The following GRIA4 variants were observed in gnomAD, a reference collection of about 807,000 sequenced individuals.
The protein encoded by GRIA4 is glutamate receptor 4.
In GRIA4, 34 loss-of-function variants were observed where a neutral mutation model predicts 104.0. The observed-to-expected ratio is 0.33, with a 90% confidence interval of 0.25 to 0.44. The LOEUF is 0.44. Ranked by LOEUF, GRIA4 falls within the 20% of genes least tolerant of loss-of-function variation. The pLI is 1.00. For missense variants in GRIA4, 750 were observed against 1,096.5 expected, an observed-to-expected ratio of 0.68 and a Z score of 4.46; for synonymous variants, 386 against 381.9, an observed-to-expected ratio of 1.01 and a Z score of -0.13.
At chr11:105,885,859 G>T (rs1280517246) in intron 5 of GRIA4, among the ~76,000 whole-genome samples, 1 of 152,236 alleles carries the variant, frequency 6.6e-6, no homozygotes, top group Non-Finnish European at 1.5e-5. Flanking sequence ...TCAGGCCAGT[G>T]ATACCAATAT....
intron 9 of GRIA4, among the ~76,000 whole-genome samples, chr11:105,906,908 G>A (rs1383848666): frequency 6.6e-6 from 1 of 152,202 alleles, no homozygotes; most frequent in Admixed American, 6.5e-5. Flanking sequence ...AATGTTAACA[G>A]GTGGACAATG....
At chr11:105,655,817 G>C (rs1951826832) in intron 3 of GRIA4, among the ~76,000 whole-genome samples, 1 of 152,140 alleles carries the variant, frequency 6.6e-6, no homozygotes, top group Admixed American at 6.6e-5. Flanking sequence ...CCTTATAGGA[G>C]AATGATTTAT....
At chr11:105,683,275 TTTAGA>T (rs1250080923) in intron 3 of GRIA4, among the ~76,000 whole-genome samples, 1 of 151,774 alleles carries the variant, frequency 6.6e-6, no homozygotes, top group African/African-American at 2.4e-5. Context: ...ATGATGCCTC[TTTAGA>T]TTATATTATA....
chr11:105,965,281 C>T (rs1358100489), intron 14 of GRIA4, among the ~76,000 whole-genome samples: 1 of 128,220 alleles, frequency 7.8e-6, no homozygotes, highest in Non-Finnish European at 1.7e-5. Flanking sequence ...GATATGTAAT[C>T]CTAATTTCCA....
At chr11:105,964,269 T>G (rs1049614191) in intron 14 of GRIA4, among the ~76,000 whole-genome samples, 2 of 152,186 alleles carry the variant, frequency 1.3e-5, no homozygotes, top group Non-Finnish European at 2.9e-5. Flanking sequence ...ATTATTTAAT[T>G]AGCATTCAGT....
intron 3 of GRIA4, among the ~76,000 whole-genome samples, chr11:105,726,160 A>G (rs1448971647): frequency 1.3e-5 from 2 of 152,160 alleles, no homozygotes. Flanking sequence ...TCTCACTGCT[A>G]GCACAGCAGT....
At position 105,773,856 on chromosome 11, in the gene GRIA4, A is replaced by G. The variant is rs116184673; in HGVS notation, c.487+20636A>G. On this transcript the variant is annotated intron_variant, in intron 4 of 16. Coordinates refer to ENST00000282499, the MANE Select transcript of GRIA4 (RefSeq NM_000829.4). ...TGATACAATAAACCATGAATTCTCT[A>G]AGAATTCAAAGAGGGCAAAAAAAAA... 3.9e-3 allele frequency among the ~76,000 whole-genome samples: 594 copies of G among 151,570 alleles called. 6 individuals carry two copies. The highest frequency in any genetic ancestry group is 0.013 in the African/African-American group (546 of 41,214).
chr11:105,699,903 T>C (rs1348532947), intron 3 of GRIA4, among the ~76,000 whole-genome samples: 1 of 152,184 alleles, frequency 6.6e-6, no homozygotes, highest in African/African-American at 2.4e-5. Context: ...TACTTACTTG[T>C]TTATCACCTG....
intron 4 of GRIA4, among the ~76,000 whole-genome samples, chr11:105,776,221 A>G (rs550864330): frequency 6.6e-6 from 1 of 152,156 alleles, no homozygotes; most frequent in Non-Finnish European, 1.5e-5. Context: ...GTGTAGTTTC[A>G]TAACAAAATC....
intron 3 of GRIA4, among the ~76,000 whole-genome samples, chr11:105,665,647 C>T (rs1328295860): frequency 2.0e-5 from 3 of 151,944 alleles, no homozygotes; most frequent in Non-Finnish European, 4.4e-5. Context: ...TAATTAATTC[C>T]TGTTTTTAAT....
At chr11:105,950,293 T>C (rs1490936325) in intron 14 of GRIA4, among the ~76,000 whole-genome samples, 1 of 152,074 alleles carries the variant, frequency 6.6e-6, no homozygotes, top group Non-Finnish European at 1.5e-5. Context: ...AATATAAATA[T>C]GAGAGTCACT....
chr11:105,846,324 T>C (rs939796893), intron 4 of GRIA4, among the ~76,000 whole-genome samples: 2 of 152,152 alleles, frequency 1.3e-5, no homozygotes, highest in Non-Finnish European at 2.9e-5. Flanking sequence ...TGTAGTTAAT[T>C]TGGAAGAAGT....
At chr11:105,659,803 T>C (rs1392869739) in intron 3 of GRIA4, among the ~76,000 whole-genome samples, 1 of 151,742 alleles carries the variant, frequency 6.6e-6, no homozygotes, top group African/African-American at 2.4e-5. Flanking sequence ...ATCATAGGAC[T>C]GAAAGAACAT....
At chr11:105,921,192 C>T (rs941304000) in intron 11 of GRIA4, among the ~76,000 whole-genome samples, 10 of 152,152 alleles carry the variant, frequency 6.6e-5, no homozygotes, top group Non-Finnish European at 1.2e-4. Context: ...AAGCCCAGAA[C>T]CTCTCTCACA....
At chr11:105,719,790 G>A (rs545114055) in intron 3 of GRIA4, among the ~76,000 whole-genome samples, 1 of 150,430 alleles carries the variant, frequency 6.6e-6, no homozygotes, top group Non-Finnish European at 1.5e-5. Flanking sequence ...AAAAAAAAAA[G>A]CCTGAGTTGG....
At chr11:105,619,554 A>G (rs1329499247) in intron 3 of GRIA4, among the ~76,000 whole-genome samples, 1 of 151,944 alleles carries the variant, frequency 6.6e-6, no homozygotes, top group Middle Eastern at 3.2e-3. Flanking sequence ...CTAAAGCCAT[A>G]TTTGTCAAAA....
intron 14 of GRIA4, among the ~76,000 whole-genome samples, chr11:105,939,873 G>C (rs1470009185): frequency 6.6e-6 from 1 of 152,082 alleles, no homozygotes; most frequent in African/African-American, 2.4e-5. Flanking sequence ...CAGGAAGAAG[G>C]CACCCTAGGT....
chr11:105,709,274 A>G (rs1212939883), intron 3 of GRIA4, among the ~76,000 whole-genome samples: 2 of 152,112 alleles, frequency 1.3e-5, no homozygotes, highest in Non-Finnish European at 2.9e-5. Flanking sequence ...ATATAAGTAA[A>G]TAAGTGAATA....
chr11:105,611,198 C>T, intron 2 of GRIA4, 113 bp downstream of exon 2: 4 of 740,810 alleles, frequency 5.4e-6, no homozygotes, highest in South Asian at 3.0e-5. Context: ...GTTCCCTTCC[C>T]CTCTGTTTCC....
Sources: allele counts gnomAD v4.1 joint callset (sites outside exome capture counted in the v4.1 genomes callset), GRCh38; gene constraint gnomAD v4.1.1; transcripts MANE v1.5; gene names NCBI Gene and HGNC (gene_info 2026-07-23, HGNC 2026-07-21).